The following NDUFAF7 variants were observed in gnomAD, a reference collection of about 807,000 sequenced individuals.
NDUFAF7 encodes the protein protein arginine methyltransferase NDUFAF7, mitochondrial.
A neutral mutation model predicts 47.2 loss-of-function variants in NDUFAF7; 48 were observed. The ratio of observed to expected loss-of-function variants is 1.02; its 90% CI spans 0.81 to 1.29. The LOEUF (loss-of-function observed/expected upper bound fraction) is 1.29, where lower values mean the gene tolerates loss of function less well. Among genes scored for constraint, NDUFAF7 ranks in the 50% most tolerant of loss-of-function variants. NDUFAF7 has a pLI of 0.00. For synonymous variants in NDUFAF7, 217 were observed against 190.0 expected, an observed-to-expected ratio of 1.14 and a Z score of -1.17; for missense variants, 635 against 537.6, an observed-to-expected ratio of 1.18 and a Z score of -1.79.
chr2:37,259,823 TAAC>T, the NDUFAF7 span: 1 of 616,022 alleles, frequency 1.6e-6, no homozygotes, highest in Non-Finnish European at 2.8e-6. Flanking sequence ...TCCTTAAGGT[TAAC>T]AATTCCCACA....
At chr2:37,242,351 C>T (rs1336949560) in intron 5 of NDUFAF7, 1 of 305,548 alleles carries the variant, frequency 3.3e-6, no homozygotes, top group African/African-American at 2.2e-5. Context: ...ATCAAATTCC[C>T]TTCCAGCTAA....
intron 3 of NDUFAF7, among the ~76,000 whole-genome samples, chr2:37,236,649 C>T (rs1437256208): frequency 1.3e-5 from 2 of 151,760 alleles, no homozygotes; most frequent in African/African-American, 4.8e-5. Context: ...AGCGTGGTGG[C>T]GGTCGCCTGT....
At chr2:37,267,966 T>C in the NDUFAF7 span, 13 of 189,604 alleles carry the variant, frequency 6.9e-5, no homozygotes, top group Non-Finnish European at 1.3e-4. Context: ...TTCTAGAATC[T>C]AGATATAAAA....
the NDUFAF7 span, chr2:37,260,409 G>C: frequency 1.3e-6 from 2 of 1,587,162 alleles, no homozygotes; most frequent in Non-Finnish European, 1.7e-6. Context: ...CAAGATACAT[G>C]AGCAACTTAA....
chr2:37,250,182 A>AT (rs773027590), downstream of NDUFAF7, among the ~76,000 whole-genome samples: 49 of 152,034 alleles, frequency 3.2e-4, no homozygotes, highest in Non-Finnish European at 8.8e-5. Context: ...TGCTTTTCAG[A>AT]TGCTGCCCAG....
the NDUFAF7 span, among the ~76,000 whole-genome samples, chr2:37,261,875 C>G: frequency 6.6e-6 from 1 of 152,212 alleles, no homozygotes; most frequent in Non-Finnish European, 1.5e-5. Flanking sequence ...TGCATTCATT[C>G]AGTAAAAAAC....
the NDUFAF7 span, among the ~76,000 whole-genome samples, chr2:37,262,561 T>C: frequency 2.0e-5 from 3 of 152,178 alleles, no homozygotes; most frequent in African/African-American, 7.2e-5. Flanking sequence ...AAATACCCCA[T>C]AGTGGTGGGG....
At position 37,246,039 on chromosome 2, in the gene NDUFAF7, A is replaced by T. The variant is rs368204310; in HGVS notation, c.793-13A>T. 2.5e-6 allele frequency: 4 copies of T among 1,613,482 alleles called. No individual in the cohort carries two copies. The South Asian group carries it at 4.4e-5, about 18-fold the overall frequency. On this transcript the variant is annotated splice_polypyrimidine_tract_variant and intron_variant, in intron 7 of 9. Transcript: ENST00000002125. Reference sequence around the variant, plus strand: ...ATGATGCATTTTGACTCTTGCAATGATCCCTTTACTAGCATGACGAAACAA... The same window carrying T: ...ATGATGCATTTTGACTCTTGCAATGTTCCCTTTACTAGCATGACGAAACAA...
Position 37,246,166 on chromosome 2 carries a change from C to T in NDUFAF7, c.907C>T (p.His303Tyr), listed in dbSNP as rs1666877934. Residue 303 changes from histidine (H) to tyrosine (Y), a missense_variant, in exon 8 of 10, where the codon CAT becomes TAT. His to Tyr is a moderately conservative substitution (Grantham distance 83). Transcript: ENST00000002125. ...GGAALVADYG[H>Y]DGTKTDTFRG... Reference sequence around the variant, plus strand: ...TGCTGCACTGGTTGCTGATTATGGTCATGATGGAACAAAGACAGATACCTT... The same window carrying T: ...TGCTGCACTGGTTGCTGATTATGGTTATGATGGAACAAAGACAGATACCTT... The T allele has an allele frequency of 6.2e-7, 1 of 1,613,680 alleles. No homozygotes were observed. Among genetic ancestry groups the T allele is most frequent in the South Asian group, 1.1e-5 (1 of 91,050 alleles).
intron 7 of NDUFAF7, among the ~76,000 whole-genome samples, chr2:37,244,619 CTT>C (rs1038593265): frequency 6.6e-6 from 1 of 151,178 alleles, no homozygotes; most frequent in Non-Finnish European, 1.5e-5. Flanking sequence ...CAGACTGCCT[CTT>C]TTTTTTTAAT....
chr2:37,252,835 A>AAACATT (rs1553362920), downstream of NDUFAF7: 1 of 102,002 alleles, frequency 9.8e-6, no homozygotes, highest in African/African-American at 3.2e-5. Context: ...ACAAACAAAC[A>AAACATT]TATATTTATA....
At chr2:37,263,050 A>G in the NDUFAF7 span, among the ~76,000 whole-genome samples, 1 of 151,798 alleles carries the variant, frequency 6.6e-6, no homozygotes. Flanking sequence ...ATTAATTTTC[A>G]TTTTTGATCT....
At chr2:37,259,052 G>A in the NDUFAF7 span, among the ~76,000 whole-genome samples, 1 of 148,674 alleles carries the variant, frequency 6.7e-6, no homozygotes, top group Non-Finnish European at 1.5e-5. Context: ...TGAACACTTG[G>A]AAAAAAAAAA....
At chr2:37,267,689 T>A in the NDUFAF7 span, 1 of 602,100 alleles carries the variant, frequency 1.7e-6, no homozygotes, top group Non-Finnish European at 2.9e-6. Context: ...ACCTTTAATT[T>A]AGGAAAAAAT....
chr2:37,242,013 C>T (rs1666400693), intron 5 of NDUFAF7: 1 of 578,880 alleles, frequency 1.7e-6, no homozygotes, highest in Admixed American at 3.1e-5. Context: ...TGTAAAATCC[C>T]AAACAAAATG....
the NDUFAF7 span, among the ~76,000 whole-genome samples, chr2:37,270,861 T>A: frequency 1.3e-5 from 2 of 152,224 alleles, no homozygotes; most frequent in Admixed American, 1.3e-4. Flanking sequence ...TATGTGTATA[T>A]ATATTTGTTA....
At position 37,244,034 on chromosome 2, in the gene NDUFAF7, C is replaced by T. The variant is rs750886756; in HGVS notation, c.792+61C>T. 3 of 1,353,832 alleles carry T rather than the reference C, an allele frequency of 2.2e-6. No homozygotes were observed. In the African/African-American group the frequency reaches 4.4e-5, roughly 20 times the overall value. 83.9% of individuals were successfully genotyped at this position (1,353,832 alleles called of 1,614,324 possible). On this transcript the variant is annotated intron_variant, in intron 7 of 9. Coordinates refer to ENST00000002125, the MANE Select transcript of NDUFAF7 (RefSeq NM_144736.5). The stretch of plus-strand genomic sequence containing the variant: ...CACAGAATCTTCAAAGTCTTATTTT[C>T]TGAGTTACTACTTTAGAGTTTTAGA...
chr2:37,269,583 T>G, the NDUFAF7 span: 1 of 1,563,318 alleles, frequency 6.4e-7, no homozygotes, highest in Non-Finnish European at 8.8e-7. Context: ...TAAAATAATG[T>G]GTACAATATG....
downstream of NDUFAF7, chr2:37,251,612 C>T (rs1667499742): frequency 2.0e-5 from 3 of 152,046 alleles, no homozygotes; most frequent in East Asian, 3.9e-4. Flanking sequence ...TGTACCAGAA[C>T]ATTCTTTTTT....
Sources: allele counts gnomAD v4.1 joint callset (sites outside exome capture counted in the v4.1 genomes callset), GRCh38; gene constraint gnomAD v4.1.1; transcripts MANE v1.5; gene names NCBI Gene and HGNC (gene_info 2026-07-23, HGNC 2026-07-21).